Variants in THNSL1 observed in about 807,000 individuals in gnomAD.
THNSL1 encodes threonine synthase like 1, also known as threonine synthase-like 1.
THNSL1 carries 48 observed loss-of-function variants against 50.4 expected under a neutral mutation model. That is an observed-to-expected ratio of 0.95 (90% confidence interval 0.76 to 1.21). The LOEUF is 1.21. Ranked by LOEUF, THNSL1 falls within the 50% of genes most tolerant of loss-of-function variation. The pLI is 0.00. For missense variants in THNSL1, 896 were observed against 871.7 expected (o/e 1.03, Z -0.35); for synonymous variants, 309 against 306.1 (o/e 1.01, Z -0.10).
At chr10:24,957,631 C>G in the THNSL1 span, among the ~76,000 whole-genome samples, 1 of 152,166 alleles carries the variant, frequency 6.6e-6, no homozygotes, top group African/African-American at 2.4e-5. Context: ...CAGGCGCCCA[C>G]CACCACGCCC....
chr10:24,959,679 CT>C, the THNSL1 span, among the ~76,000 whole-genome samples: 130 of 145,602 alleles, frequency 8.9e-4, no homozygotes, highest in East Asian at 6.0e-3. Context: ...GTTTCCCAAA[CT>C]TTTTTTTTTT....
chr10:24,996,220 T>G, the THNSL1 span, among the ~76,000 whole-genome samples: 1 of 152,204 alleles, frequency 6.6e-6, no homozygotes, highest in Non-Finnish European at 1.5e-5. Context: ...CTCAGGAGTC[T>G]GAGACCAGTC....
In THNSL1 at chr10:25,025,797, G is replaced by C. The variant is rs1485457560; in HGVS notation, c.*342G>C. ...TTGGCGATTAAAATATTTAAGCCCA[G>C]TTTTCAGGTACTACATCTGTAACTA... is the stretch of plus-strand genomic sequence containing the variant. On this transcript the variant is annotated 3_prime_UTR_variant, in exon 3 of 3. Transcript: ENST00000376356. 4.8e-6 allele frequency: 1 copy of C among 208,186 alleles called. No homozygotes were observed. The highest frequency in any genetic ancestry group is 1.1e-5 in the Non-Finnish European group (1 of 94,208). 12.9% of individuals were successfully genotyped at this position (208,186 alleles called of 1,614,324 possible).
chr10:24,975,575 C>T, the THNSL1 span, among the ~76,000 whole-genome samples: 3 of 152,164 alleles, frequency 2.0e-5, no homozygotes, highest in Non-Finnish European at 4.4e-5. Flanking sequence ...TTATCCTGTT[C>T]TCATGATAGT....
At chr10:24,970,841 C>T in the THNSL1 span, among the ~76,000 whole-genome samples, 6,717 of 152,042 alleles carry the variant, frequency 0.044, 388 homozygotes, top group African/African-American at 0.13. Flanking sequence ...CTGGCCAACA[C>T]GGTGAAACCC....
the THNSL1 span, among the ~76,000 whole-genome samples, chr10:24,996,618 AG>A: frequency 6.6e-6 from 1 of 152,234 alleles, no homozygotes; most frequent in Non-Finnish European, 1.5e-5. Context: ...TTTATTTTTA[AG>A]AACTGAAAGC....
the THNSL1 span, chr10:24,982,620 G>T: frequency 3.3e-5 from 5 of 152,216 alleles, no homozygotes. Flanking sequence ...GTCCAAGTCA[G>T]ATGTTTGTCC....
chr10:24,968,614 C>T, the THNSL1 span, among the ~76,000 whole-genome samples: 3 of 152,174 alleles, frequency 2.0e-5, no homozygotes, highest in Admixed American at 6.5e-5. Flanking sequence ...CTTTGTATGC[C>T]TCTGACTCCT....
At chr10:25,004,606 G>A in the THNSL1 span, among the ~76,000 whole-genome samples, 4 of 152,174 alleles carry the variant, frequency 2.6e-5, no homozygotes, top group African/African-American at 9.6e-5. Flanking sequence ...CTTTTTAATA[G>A]CATTATTTGT....
chr10:24,978,979 A>G, the THNSL1 span, among the ~76,000 whole-genome samples: 1 of 152,190 alleles, frequency 6.6e-6, no homozygotes, highest in Non-Finnish European at 1.5e-5. Flanking sequence ...ACCATAGCAC[A>G]TTTCAGCAGA....
the THNSL1 span, among the ~76,000 whole-genome samples, chr10:24,996,681 A>G: frequency 1.3e-5 from 2 of 152,156 alleles, no homozygotes; most frequent in Non-Finnish European, 2.9e-5. Flanking sequence ...CACAATTACT[A>G]AGGACTGACT....
Position 25,020,441 on chromosome 10 carries a change from G to A in THNSL1, c.-215-1301G>A, listed in dbSNP as rs1478498278. Among the ~76,000 whole-genome samples, 5 of 152,042 alleles carry A rather than the reference G, an allele frequency of 3.3e-5. No homozygotes were observed. The South Asian group carries it at 1.0e-3, about 32-fold the overall frequency. On this transcript the variant is annotated intron_variant, in intron 1 of 2. Transcript: ENST00000376356. ...TTTTAATGAAGTTGATGTTAAGCAT[G>A]GTAGCAAGCAATATAAAGCGGAAGA...
intron 1 of THNSL1, among the ~76,000 whole-genome samples, chr10:25,017,512 A>G (rs1302742597): frequency 2.6e-5 from 4 of 151,908 alleles, no homozygotes; most frequent in Admixed American, 2.6e-4. Context: ...AAACAACACA[A>G]TGGCCTGGTG....
At chr10:24,999,721 T>C in the THNSL1 span, among the ~76,000 whole-genome samples, 1 of 152,204 alleles carries the variant, frequency 6.6e-6, no homozygotes, top group Non-Finnish European at 1.5e-5. Flanking sequence ...ATAAACTAGA[T>C]GGAAGCTCTG....
At chr10:24,966,076 A>T in the THNSL1 span, among the ~76,000 whole-genome samples, 779 of 152,352 alleles carry the variant, frequency 5.1e-3, 5 homozygotes, top group African/African-American at 0.017. Flanking sequence ...TCAATAGAGG[A>T]TGCCCTTAAG....
chr10:25,011,892 G>A (rs1850454477), upstream of THNSL1, among the ~76,000 whole-genome samples: 1 of 152,208 alleles, frequency 6.6e-6, no homozygotes, highest in South Asian at 2.1e-4. Context: ...AAACAATGGG[G>A]AAAATGTCTC....
At chr10:24,965,636 C>T in the THNSL1 span, among the ~76,000 whole-genome samples, 1 of 152,136 alleles carries the variant, frequency 6.6e-6, no homozygotes, top group African/African-American at 2.4e-5. Context: ...GCGAGGATTC[C>T]TCTATGGATG....
At chr10:25,020,272 A>G (rs535261474) in intron 1 of THNSL1, among the ~76,000 whole-genome samples, 1 of 137,506 alleles carries the variant, frequency 7.3e-6, no homozygotes, top group Admixed American at 8.0e-5. Flanking sequence ...CTATATCTAT[A>G]TCTATATATA....
At chr10:24,995,584 C>CTATGTTATCATT in the THNSL1 span, 1 of 1,391,512 alleles carries the variant, frequency 7.2e-7, no homozygotes, top group African/African-American at 1.4e-5. Context: ...AGATGATCAT[C>CTATGTTATCATT]ATGAACACCA....
Sources: allele counts gnomAD v4.1 joint callset (sites outside exome capture counted in the v4.1 genomes callset), GRCh38; gene constraint gnomAD v4.1.1; transcripts MANE v1.5; gene names NCBI Gene and HGNC (gene_info 2026-07-23, HGNC 2026-07-21).